The following DRC11 variants were observed in gnomAD, a reference collection of about 807,000 sequenced individuals.
DRC11 encodes dynein regulatory complex subunit 11, also known as IQ and AAA domain-containing protein 1.
At chr2:236,497,589 G>T in the DRC11 span, 2 of 764,534 alleles carry the variant, frequency 2.6e-6, no homozygotes, top group Non-Finnish European at 4.1e-6. This position sits in a 1 kb window ranked among gnomAD's most constrained non-coding sequence, Gnocchi z 5.1. Flanking sequence ...ACAGAATCAA[G>T]TGTGAGCTAA....
At chr2:236,308,031 A>AC in the DRC11 span, among the ~76,000 whole-genome samples, 1 of 152,168 alleles carries the variant, frequency 6.6e-6, no homozygotes, top group Non-Finnish European at 1.5e-5. This position sits in a 1 kb window ranked among gnomAD's most constrained non-coding sequence, Gnocchi z 6.0. Context: ...GCTTGCAGTG[A>AC]CGCAGGCGTC....
the DRC11 span, among the ~76,000 whole-genome samples, chr2:236,389,347 C>T: frequency 5.9e-5 from 9 of 152,214 alleles, no homozygotes; most frequent in Non-Finnish European, 1.2e-4. Flanking sequence ...GAGCCAGGTG[C>T]CGGATATAAT....
chr2:236,492,593 C>T, the DRC11 span, among the ~76,000 whole-genome samples: 1 of 152,248 alleles, frequency 6.6e-6, no homozygotes. Flanking sequence ...CCCTTTCACC[C>T]TGGAGTGTCC....
the DRC11 span, among the ~76,000 whole-genome samples, chr2:236,308,665 C>T: frequency 6.6e-6 from 1 of 152,166 alleles, no homozygotes; most frequent in Non-Finnish European, 1.5e-5. The surrounding 1 kb of genome is among the most constrained non-coding windows in gnomAD (Gnocchi z 6.0). Flanking sequence ...CTAGGCTCAT[C>T]CATGTTGTTG....
chr2:236,314,662 C>A, the DRC11 span, among the ~76,000 whole-genome samples: 1 of 151,926 alleles, frequency 6.6e-6, no homozygotes, highest in East Asian at 1.9e-4. The surrounding 1 kb of genome is among the most constrained non-coding windows in gnomAD (Gnocchi z 4.5). Flanking sequence ...TTCTATATAC[C>A]AGCAACAAAC....
the DRC11 span, among the ~76,000 whole-genome samples, chr2:236,358,006 TTATAATATATAGA>T: frequency 9.0e-6 from 1 of 111,072 alleles, no homozygotes; most frequent in Non-Finnish European, 1.7e-5. Context: ...GAATATATAT[TTATAATATATAGA>T]TATAATATGA....
At chr2:236,457,822 G>GTA in the DRC11 span, among the ~76,000 whole-genome samples, 1 of 152,218 alleles carries the variant, frequency 6.6e-6, no homozygotes, top group Non-Finnish European at 1.5e-5. This position sits in a 1 kb window ranked among gnomAD's most constrained non-coding sequence, Gnocchi z 4.7. Flanking sequence ...GCTTCTGGAG[G>GTA]GAGTACAGCC....
chr2:236,482,091 T>TAC, the DRC11 span, among the ~76,000 whole-genome samples: 1 of 99,972 alleles, frequency 1.0e-5, no homozygotes, highest in African/African-American at 4.7e-5. This position sits in a 1 kb window ranked among gnomAD's most constrained non-coding sequence, Gnocchi z 4.5. Context: ...TGTATAATTC[T>TAC]ATGTATAATT....
the DRC11 span, among the ~76,000 whole-genome samples, chr2:236,478,883 G>GGT: frequency 6.6e-6 from 1 of 150,784 alleles, no homozygotes; most frequent in South Asian, 2.1e-4. The surrounding 1 kb of genome is among the most constrained non-coding windows in gnomAD (Gnocchi z 5.9). Context: ...GGAGTGCAGT[G>GGT]GTGTGATCTC....
chr2:236,311,312 G>T, the DRC11 span, among the ~76,000 whole-genome samples: 1 of 152,212 alleles, frequency 6.6e-6, no homozygotes, highest in Non-Finnish European at 1.5e-5. The surrounding 1 kb of genome is among the most constrained non-coding windows in gnomAD (Gnocchi z 6.9). Flanking sequence ...CACTCCACAG[G>T]GTTGGAGGCA....
At chr2:236,371,329 A>C in the DRC11 span, among the ~76,000 whole-genome samples, 1 of 152,100 alleles carries the variant, frequency 6.6e-6, no homozygotes, top group Admixed American at 6.5e-5. The surrounding 1 kb of genome is among the most constrained non-coding windows in gnomAD (Gnocchi z 5.1). Flanking sequence ...CAAGATAATA[A>C]ATTCAAAACC....
At chr2:236,341,065 C>T in the DRC11 span, among the ~76,000 whole-genome samples, 2 of 152,200 alleles carry the variant, frequency 1.3e-5, no homozygotes, top group African/African-American at 4.8e-5. Flanking sequence ...CCCCTCACAA[C>T]TGTATTACTT....
At chr2:236,491,864 G>A in the DRC11 span, among the ~76,000 whole-genome samples, 14 of 152,138 alleles carry the variant, frequency 9.2e-5, no homozygotes, top group Admixed American at 2.0e-4. Flanking sequence ...TGGTTTAAAC[G>A]TGTCCCACAA....
the DRC11 span, among the ~76,000 whole-genome samples, chr2:236,491,425 T>C: frequency 6.7e-6 from 1 of 150,252 alleles, no homozygotes; most frequent in Non-Finnish European, 1.5e-5. Flanking sequence ...CCAGTGGAGG[T>C]GATAGGGGCT....
At chr2:236,340,556 C>T in the DRC11 span, among the ~76,000 whole-genome samples, 1 of 152,192 alleles carries the variant, frequency 6.6e-6, no homozygotes, top group East Asian at 1.9e-4. Flanking sequence ...AGTGACTGGG[C>T]ATTTGGGGTG....
chr2:236,344,891 T>C, the DRC11 span, among the ~76,000 whole-genome samples: 1 of 148,088 alleles, frequency 6.8e-6, no homozygotes, highest in South Asian at 2.2e-4. Context: ...CTCTGGGGTG[T>C]GCAGAGCCCT....
the DRC11 span, among the ~76,000 whole-genome samples, chr2:236,437,771 C>T: frequency 6.6e-6 from 1 of 152,126 alleles, no homozygotes; most frequent in Admixed American, 6.5e-5. Context: ...TATCCTTTGC[C>T]CACTTTTTGA....
At chr2:236,427,580 A>G in the DRC11 span, among the ~76,000 whole-genome samples, 12 of 151,966 alleles carry the variant, frequency 7.9e-5, no homozygotes, top group Non-Finnish European at 1.2e-4. The surrounding 1 kb of genome is among the most constrained non-coding windows in gnomAD (Gnocchi z 5.9). Context: ...TTGTATTTCT[A>G]TGGTATCAGT....
chr2:236,490,194 T>TA, the DRC11 span, among the ~76,000 whole-genome samples: 1 of 152,204 alleles, frequency 6.6e-6, no homozygotes, highest in Non-Finnish European at 1.5e-5. The surrounding 1 kb of genome is among the most constrained non-coding windows in gnomAD (Gnocchi z 5.5). Context: ...ATGCTTTTTT[T>TA]ATGCATGCTC....
Sources: gnomAD v4.1 joint callset for allele counts (sites outside exome capture counted in the v4.1 genomes callset) on GRCh38, gnomAD v4.1.1 for gene constraint, Gnocchi (gnomAD v3.1) non-coding constraint, MANE v1.5 for transcripts, NCBI Gene and HGNC (gene_info 2026-07-23, HGNC 2026-07-21) for gene names.